The following DSG3 variants were observed in gnomAD, a reference collection of about 807,000 sequenced individuals.
The protein encoded by DSG3 is desmoglein 3.
A neutral mutation model predicts 85.9 loss-of-function variants in DSG3; 63 were observed. The ratio of observed to expected loss-of-function variants is 0.73; its 90% confidence interval spans 0.60 to 0.90. The LOEUF is 0.90. Among genes scored for constraint, DSG3 ranks in the 40% least tolerant of loss-of-function variants. The probability of loss-of-function intolerance (pLI) is 0.00; values close to 1 mark genes in which losing one functional copy is unlikely to be tolerated. For synonymous variants in DSG3, 447 were observed against 441.9 expected, an observed-to-expected ratio of 1.01 and a Z score of -0.14; for missense variants, 1,220 against 1,219.9, an observed-to-expected ratio of 1.00 and a Z score of 0.00.
chr18:31,472,212 C>T, intron 12 of DSG3, 72 bp from the exon 13 acceptor site: 1 of 1,596,180 alleles, frequency 6.3e-7, no homozygotes, highest in Non-Finnish European at 8.5e-7. Context: ...TGTAACATTT[C>T]TGAAAAATTA....
chr18:31,453,196 A>C (rs2072721606), intron 1 of DSG3, among the ~76,000 whole-genome samples: 1 of 152,218 alleles, frequency 6.6e-6, no homozygotes, highest in Admixed American at 6.5e-5. Flanking sequence ...TTCCCAAAAA[A>C]ATTTAATAAA....
chr18:31,449,158 A>G (rs1188926290), intron 1 of DSG3, among the ~76,000 whole-genome samples: 7 of 152,196 alleles, frequency 4.6e-5, no homozygotes, highest in African/African-American at 1.7e-4. Context: ...TCGGCCTCCC[A>G]TAATGCTGGG....
rs759723424 is a variant in DSG3 at position 31,476,225 on chromosome 18, C to G, written c.2965C>G (p.Leu989Val). 9 of 1,613,746 alleles carry G rather than the reference C, an allele frequency of 5.6e-6. No homozygotes were observed. Among genetic ancestry groups the G allele is most frequent in the South Asian group, 1.1e-5 (1 of 90,992 alleles). Residue 989 changes from leucine (L) to valine (V), a missense_variant, in exon 16 of 16, where the codon CTC becomes GTC. Coordinates refer to ENST00000257189, the MANE Select transcript of DSG3 (RefSeq NM_001944.3). ...PTQLRGSHTM[L>V]CTEDPCSRLI ...GCAGCTACGAGGGTCACATACTATG[C>G]TCTGTACAGAGGATCCTTGCTCCCG...
In DSG3 at chr18:31,465,336, C is replaced by T. The variant is rs150482301; in HGVS notation, c.1290C>T (p.Asn430=). 1.1e-5 allele frequency: 16 copies of T among 1,478,430 alleles called. No homozygotes were observed. Among genetic ancestry groups the T allele is most frequent in the Admixed American group, 4.5e-5 (2 of 44,476 alleles). 91.6% of individuals were successfully genotyped at this position (1,478,430 alleles called of 1,614,324 possible). The change falls in exon 10 of 16, where the codon AAC becomes AAT. Residue 430 remains asparagine (N), a synonymous_variant. Transcript: ENST00000257189. The stretch of plus-strand genomic sequence containing the variant: ...GAAACAGATATGTCATGGGACGTAA[C>T]GATGGTGGATACCTAATGATTGATT... The part of the protein sequence containing the change: ...ASNVKYVMGR[N]DGGYLMIDSK...
intron 11 of DSG3, 94 bp from the exon 12 acceptor site, chr18:31,468,995 A>G: frequency 5.3e-6 from 8 of 1,498,434 alleles, no homozygotes; most frequent in Non-Finnish European, 7.3e-6. Context: ...TTCTTTATGA[A>G]TTATCCAGTC....
chr18:31,466,138 AT>A (rs1472943035), intron 10 of DSG3, among the ~76,000 whole-genome samples: 3 of 152,266 alleles, frequency 2.0e-5, no homozygotes, highest in African/African-American at 4.8e-5. Context: ...AAAATATACA[AT>A]TTTTTATTCC....
intron 11 of DSG3, among the ~76,000 whole-genome samples, chr18:31,467,667 C>T (rs1460722967): frequency 6.6e-6 from 1 of 152,200 alleles, no homozygotes; most frequent in East Asian, 1.9e-4. Flanking sequence ...CTAAAATCTC[C>T]ATCCTTTCTG....
chr18:31,472,829 G>C (rs1159104023), intron 14 of DSG3, 41 bp downstream of exon 14: 3 of 1,563,050 alleles, frequency 1.9e-6, no homozygotes, highest in Non-Finnish European at 1.8e-6. Flanking sequence ...GGTGAGTTAA[G>C]TGGTAAATAT....
chr18:31,463,072 T>C (rs140197013), intron 8 of DSG3, among the ~76,000 whole-genome samples: 181 of 152,320 alleles, frequency 1.2e-3, no homozygotes, highest in African/African-American at 3.9e-3. Context: ...CCCTTTAAGA[T>C]GAAATTCACA....
rs747978629 is a variant in DSG3 at position 31,457,023 on chromosome 18, A to G, written c.115A>G (p.Thr39Ala). 2 of 1,613,014 alleles carry G rather than the reference A, an allele frequency of 1.2e-6. No homozygotes were observed. ...AGGTCAATATGATGAAGAAGAGATG[A>G]CTATGCAACAAGCTAAAAGAAGGCA... Reference protein sequence around the residue: ...TKGQYDEEEMTMQQAKRRQKR... With the variant: ...TKGQYDEEEMAMQQAKRRQKR... The change falls in exon 3 of 16, where the codon ACT (threonine) becomes GCT (alanine). Residue 39 changes from threonine (T) to alanine (A), a missense_variant. By Grantham distance (58) the Thr-to-Ala change is moderately conservative. Transcript: ENST00000257189.
intron 12 of DSG3, among the ~76,000 whole-genome samples, chr18:31,470,496 A>G (rs2072849150): frequency 6.6e-6 from 1 of 152,160 alleles, no homozygotes; most frequent in African/African-American, 2.4e-5. Flanking sequence ...GCTGAAATTG[A>G]CACTCAGAGA....
chr18:31,465,226 T>G lies in DSG3; in HGVS notation c.1272-92T>G, dbSNP rs557237811. ...TTTCAATGTGAACATATATTAAATA[T>G]GAATATACTAAATATAAAATGAGTC... On this transcript the variant is annotated intron_variant, in intron 9 of 15. Coordinates refer to ENST00000257189, the MANE Select transcript of DSG3 (RefSeq NM_001944.3). The G allele has an allele frequency of 1.7e-4, 150 of 884,616 alleles. No individual in the cohort carries two copies. In the African/African-American group the frequency reaches 2.3e-3, roughly 14 times the overall value. The allele number at this position is 884,616 out of a possible 1,614,324, so 54.8% of individuals were successfully genotyped here.
chr18:31,474,364 G>A lies in DSG3; in HGVS notation c.2345G>A (p.Gly782Glu). The change falls in exon 15 of 16, where the codon GGG becomes GAG. Residue 782 changes from glycine to glutamate, a missense_variant. Physicochemically the swap from Gly to Glu is moderately conservative, Grantham distance 98 (BLOSUM62 -2). Transcript: ENST00000257189. Reference sequence around the variant, plus strand: ...GGAACCAATAAGGACTACGCTGATGGGGCGATAAGCATGAATTTTCTGGAC... The same window carrying A: ...GGAACCAATAAGGACTACGCTGATGAGGCGATAAGCATGAATTTTCTGGAC... ...TGGTNKDYAD[G>E]AISMNFLDSY... 6.2e-7 allele frequency: 1 copy of A among 1,611,422 alleles called. No individual in the cohort carries two copies. The highest frequency in any genetic ancestry group is 2.2e-5 in the East Asian group (1 of 44,810).
rs189388599 is a variant in DSG3 at position 31,476,900 on chromosome 18, A to T, written c.*640A>T. On this transcript the variant is annotated 3_prime_UTR_variant, in exon 16 of 16. Transcript: ENST00000257189. ...CATGAACCCGGGAAGCGGAGCTTGCAGTGAGCCGAGATTGCGCCACTGCAG... is the reference window on the plus strand; with the variant it reads ...CATGAACCCGGGAAGCGGAGCTTGCTGTGAGCCGAGATTGCGCCACTGCAG... 6.7e-6 allele frequency: 1 copy of T among 149,300 alleles called. No homozygotes were observed. 9.2% of individuals were successfully genotyped at this position (149,300 alleles called of 1,614,324 possible). A position where few individuals can be genotyped will look rare whatever the true frequency, so the allele number is the denominator to read the frequency against.
chr18:31,469,273 G>C lies in DSG3; in HGVS notation c.1821G>C (p.Arg607Ser), dbSNP rs776866830. ...TSYPTTSPGT[R>S]YGRPHSGRLG... Reference sequence around the variant, plus strand: ...ACCCAACCACAAGCCCTGGGACCAGGTATGGCAGGCCGCACTCAGGGAGGC... The same window carrying C: ...ACCCAACCACAAGCCCTGGGACCAGCTATGGCAGGCCGCACTCAGGGAGGC... The change falls in exon 12 of 16, where the codon AGG becomes AGC. Residue 607 changes from arginine to serine, a missense_variant. Physicochemically the swap from Arg to Ser is moderately radical, Grantham distance 110. Transcript: ENST00000257189. 1.9e-6 allele frequency: 3 copies of C among 1,614,124 alleles called. No individual in the cohort carries two copies. The highest frequency in any genetic ancestry group is 1.7e-4 in the Middle Eastern group (1 of 6,040).
At chr18:31,462,496 C>T (rs34350106) in intron 8 of DSG3, among the ~76,000 whole-genome samples, 15,800 of 152,200 alleles carry the variant, frequency 0.1, 858 homozygotes, top group Non-Finnish European at 0.11. Context: ...TCCTTTGTTA[C>T]TGTACTCTTT....
chr18:31,462,396 T>A (rs2072792367), intron 8 of DSG3, among the ~76,000 whole-genome samples: 1 of 152,214 alleles, frequency 6.6e-6, no homozygotes. Context: ...TTGGATTCTA[T>A]GAGAGCGTCC....
Position 31,466,724 on chromosome 18 carries a change from C to T in DSG3, c.1606C>T (p.Pro536Ser), listed in dbSNP as rs2072822435. ...FALEDQPVKL[P>S]AVWSITTLNA... ...ACTGGAAGATCAACCTGTAAAGTTG[C>T]CTGCCGTATGGAGTATCACAACCCT... The change falls in exon 11 of 16, where the codon CCT becomes TCT. Residue 536 changes from proline to serine, a missense_variant. By Grantham distance (74) the Pro-to-Ser change is moderately conservative. Coordinates refer to ENST00000257189, the MANE Select transcript of DSG3 (RefSeq NM_001944.3). The T allele has an allele frequency of 1.9e-6, 3 of 1,614,168 alleles. No homozygotes were observed. The highest frequency in any genetic ancestry group is 2.7e-5 in the African/African-American group (2 of 75,062).
At chr18:31,448,799 A>T (rs2144256472) in intron 1 of DSG3, among the ~76,000 whole-genome samples, 1 of 150,370 alleles carries the variant, frequency 6.7e-6, no homozygotes, top group South Asian at 2.2e-4. Flanking sequence ...CCTAGGCATC[A>T]ATTTACCTCA....
Sources: gnomAD v4.1 joint callset for allele counts (sites outside exome capture counted in the v4.1 genomes callset) on GRCh38, gnomAD v4.1.1 for gene constraint, MANE v1.5 for transcripts, NCBI Gene and HGNC (gene_info 2026-07-23, HGNC 2026-07-21) for gene names.